The following MSI2 variants were observed in gnomAD, a reference collection of about 807,000 sequenced individuals.
The protein encoded by MSI2 is musashi RNA binding protein 2.
Under a neutral mutation model 45.6 loss-of-function variants are expected in MSI2, and 17 were observed. The ratio of observed to expected loss-of-function variants is 0.37; its 90% CI spans 0.26 to 0.56. The LOEUF (loss-of-function observed/expected upper bound fraction) is 0.56, where lower values mean the gene tolerates loss of function less well. Ranked by LOEUF, MSI2 falls within the 20% of genes least tolerant of loss-of-function variation. The probability of loss-of-function intolerance (pLI) is 0.77; values close to 1 mark genes in which losing one functional copy is unlikely to be tolerated. For synonymous variants in MSI2, 156 were observed against 158.2 expected (o/e 0.99, Z 0.11); for missense variants, 293 against 444.2 (o/e 0.66, Z 3.06).
intron 11 of MSI2, among the ~76,000 whole-genome samples, chr17:57,662,832 T>TTTC (rs1912084999): frequency 6.6e-6 from 1 of 152,342 alleles, no homozygotes; most frequent in South Asian, 2.1e-4. Context: ...GGCTGACAGG[T>TTTC]TTCTGGTCCC....
intron 5 of MSI2, among the ~76,000 whole-genome samples, chr17:57,399,523 G>A (rs2083950262): frequency 6.6e-6 from 1 of 151,360 alleles, no homozygotes; most frequent in Non-Finnish European, 1.5e-5. Context: ...CAAGTTTGGG[G>A]TCAACCAGCA....
chr17:57,427,014 G>A (rs1025536690), intron 6 of MSI2, among the ~76,000 whole-genome samples: 4 of 152,222 alleles, frequency 2.6e-5, no homozygotes, highest in Admixed American at 6.5e-5. Flanking sequence ...GGCTGAAGCC[G>A]GGGTGCCCCC....
At chr17:57,321,555 C>G (rs1386765081) in intron 5 of MSI2, among the ~76,000 whole-genome samples, 1 of 152,178 alleles carries the variant, frequency 6.6e-6, no homozygotes, top group African/African-American at 2.4e-5. Flanking sequence ...GCTGAGCTTT[C>G]TCTTGGACTA....
chr17:57,316,243 C>T (rs761792448), intron 5 of MSI2, among the ~76,000 whole-genome samples: 1 of 151,958 alleles, frequency 6.6e-6, no homozygotes, highest in Non-Finnish European at 1.5e-5. Flanking sequence ...ATTTTTAGGG[C>T]TGAGAGGGAC....
chr17:57,356,384 G>C (rs1797152304), intron 5 of MSI2, among the ~76,000 whole-genome samples: 1 of 152,156 alleles, frequency 6.6e-6, no homozygotes, highest in African/African-American at 2.4e-5. Context: ...TCAGCAGGGA[G>C]AACCACCCCA....
chr17:57,637,339 G>A (rs1254808543), intron 10 of MSI2, among the ~76,000 whole-genome samples: 1 of 152,206 alleles, frequency 6.6e-6, no homozygotes, highest in African/African-American at 2.4e-5. Flanking sequence ...ATGTTGCCAC[G>A]TTCCTCCCTC....
At chr17:57,330,575 G>A (rs1456208614) in intron 5 of MSI2, among the ~76,000 whole-genome samples, 3 of 152,118 alleles carry the variant, frequency 2.0e-5, no homozygotes, top group East Asian at 1.9e-4. Context: ...CACTGTGTCC[G>A]GCCTCCTTTA....
rs1363397904 is a variant in MSI2, at chr17:57,683,606, C to T, written c.*4089C>T. 8.7e-6 allele frequency: 2 copies of T among 231,144 alleles called. No homozygotes were observed. The highest frequency in any genetic ancestry group is 1.2e-4 in the East Asian group (2 of 16,348). The allele number at this position is 231,144 out of a possible 1,614,324, so 14.3% of individuals were successfully genotyped here. ...TTTACAAAAGAAACACTAACTCATA[C>T]TTCTCTTTATTGGTTGCAAGTGGCA... On this transcript the variant is annotated 3_prime_UTR_variant, in exon 14 of 14. Coordinates refer to ENST00000284073, the MANE Select transcript of MSI2 (RefSeq NM_138962.4). This position sits in a 1 kb window ranked among gnomAD's most constrained non-coding sequence, Gnocchi z 5.2.
chr17:57,678,276 A>G (rs1163582577), intron 13 of MSI2, among the ~76,000 whole-genome samples: 2 of 152,104 alleles, frequency 1.3e-5, no homozygotes, highest in Non-Finnish European at 2.9e-5. Context: ...AACCAAATAA[A>G]CCATGTGTGT....
intron 10 of MSI2, among the ~76,000 whole-genome samples, chr17:57,636,948 A>G (rs1909883263): frequency 6.6e-6 from 1 of 152,188 alleles, no homozygotes; most frequent in Non-Finnish European, 1.5e-5. Flanking sequence ...GACCCCAGCT[A>G]GATGCTGCAG....
intron 7 of MSI2, among the ~76,000 whole-genome samples, chr17:57,580,293 A>C (rs2088165973): frequency 6.6e-6 from 1 of 152,132 alleles, no homozygotes; most frequent in Non-Finnish European, 1.5e-5. Flanking sequence ...CACCAAACCA[A>C]AGTTTATCGA....
chr17:57,325,680 C>T (rs750650562), intron 5 of MSI2, among the ~76,000 whole-genome samples: 1 of 152,160 alleles, frequency 6.6e-6, no homozygotes, highest in Non-Finnish European at 1.5e-5. Flanking sequence ...ACCATTTGAC[C>T]CACCTCCAGC....
intron 5 of MSI2, among the ~76,000 whole-genome samples, chr17:57,381,595 G>A (rs2083599674): frequency 6.6e-6 from 1 of 152,166 alleles, no homozygotes; most frequent in Non-Finnish European, 1.5e-5. Flanking sequence ...TGTCACTGCT[G>A]TCCTATAGAA....
chr17:57,609,495 C>A (rs1436941116), intron 8 of MSI2, among the ~76,000 whole-genome samples: 1 of 152,262 alleles, frequency 6.6e-6, no homozygotes, highest in Admixed American at 6.5e-5. Flanking sequence ...ACTGCAAACA[C>A]TGGCCTCTTC....
chr17:57,340,443 A>G (rs184613891), intron 5 of MSI2, among the ~76,000 whole-genome samples: 1 of 152,322 alleles, frequency 6.6e-6, no homozygotes, highest in East Asian at 1.9e-4. Flanking sequence ...AATATAATGG[A>G]TCAAGCTCTG....
At chr17:57,346,355 G>A (rs1037264789) in intron 5 of MSI2, among the ~76,000 whole-genome samples, 5 of 146,732 alleles carry the variant, frequency 3.4e-5, no homozygotes, top group Admixed American at 6.8e-5. Context: ...TTTTGGGGGG[G>A]GGGGTCTGAT....
intron 5 of MSI2, among the ~76,000 whole-genome samples, chr17:57,362,747 A>AG (rs1916902553): frequency 6.7e-6 from 1 of 150,268 alleles, no homozygotes; most frequent in Non-Finnish European, 1.5e-5. Flanking sequence ...TTCTACTTGA[A>AG]AAAAAAATTC....
At chr17:57,478,307 A>G (rs544528398) in intron 6 of MSI2, among the ~76,000 whole-genome samples, 36 of 152,366 alleles carry the variant, frequency 2.4e-4, no homozygotes, top group Admixed American at 9.1e-4. Flanking sequence ...CCCAGATTCA[A>G]GAATCCTGGG....
chr17:57,454,768 G>T (rs1209144162), intron 6 of MSI2, among the ~76,000 whole-genome samples: 1 of 152,134 alleles, frequency 6.6e-6, no homozygotes, highest in Non-Finnish European at 1.5e-5. Flanking sequence ...CTGTGGCTTT[G>T]GTCCTTTGCC....
Sources: allele counts gnomAD v4.1 joint callset (sites outside exome capture counted in the v4.1 genomes callset), GRCh38; gene constraint gnomAD v4.1.1; non-coding constraint Gnocchi (gnomAD v3.1); transcripts MANE v1.5; gene names NCBI Gene and HGNC (gene_info 2026-07-23, HGNC 2026-07-21).